The following NRG1 variants were observed in gnomAD, a reference collection of about 807,000 sequenced individuals.
NRG1 encodes neuregulin 1, also known as pro-neuregulin-1, membrane-bound isoform.
Under a neutral mutation model 63.8 loss-of-function variants are expected in NRG1, and 18 were observed. That is an observed-to-expected ratio of 0.28 (90% confidence interval 0.19 to 0.42). NRG1 has a LOEUF of 0.42. Among genes scored for constraint, NRG1 ranks in the 10% least tolerant of loss-of-function variants. The pLI, the probability that NRG1 is intolerant of heterozygous loss-of-function variation, is 1.00. For synonymous variants in NRG1, 302 were observed against 301.3 expected, an observed-to-expected ratio of 1.00 and a Z score of -0.02; for missense variants, 762 against 814.7, an observed-to-expected ratio of 0.94 and a Z score of 0.79.
At chr8:32,412,441 T>TATATAC (rs1815185161) in intron 1 of NRG1, among the ~76,000 whole-genome samples, 2 of 49,660 alleles carry the variant, frequency 4.0e-5, no homozygotes, top group East Asian at 7.9e-4. Context: ...TATATATATA[T>TATATAC]ATATATATAT....
chr8:32,066,525 C>A (rs75268023), intron 1 of NRG1, among the ~76,000 whole-genome samples: 147,474 of 151,652 alleles, frequency 0.97, 71,838 homozygotes, highest in East Asian at 1. Flanking sequence ...TCTGAGGGCT[C>A]TGTTCTGTTC....
chr8:32,507,401 A>G (rs925999368), intron 1 of NRG1, among the ~76,000 whole-genome samples: 12 of 152,190 alleles, frequency 7.9e-5, no homozygotes, highest in Non-Finnish European at 1.8e-4. Flanking sequence ...CTGTGAATCC[A>G]TTGAATGGAA....
At chr8:31,992,060 C>G (rs980277859) in intron 1 of NRG1, among the ~76,000 whole-genome samples, 22 of 151,746 alleles carry the variant, frequency 1.4e-4, no homozygotes, top group Non-Finnish European at 5.9e-5. Flanking sequence ...TGAGGCCAGG[C>G]TCAGTGGCTC....
intron 1 of NRG1, among the ~76,000 whole-genome samples, chr8:32,056,743 T>C (rs1823010584): frequency 6.6e-6 from 1 of 152,208 alleles, no homozygotes; most frequent in Admixed American, 6.5e-5. Context: ...GCCAAGATTA[T>C]ATGAGACCCA....
intron 1 of NRG1, among the ~76,000 whole-genome samples, chr8:32,321,555 A>C (rs959194724): frequency 2.2e-4 from 33 of 148,588 alleles, no homozygotes; most frequent in African/African-American, 7.4e-4. Context: ...ACATCCCCTG[A>C]TAATGATTTC....
intron 1 of NRG1, among the ~76,000 whole-genome samples, chr8:31,976,013 A>G (rs1808103927): frequency 6.6e-6 from 1 of 152,184 alleles, no homozygotes; most frequent in Non-Finnish European, 1.5e-5. Context: ...AATCTCAAGA[A>G]AAGGCTAAAA....
chr8:32,446,621 C>G (rs1820277825), intron 1 of NRG1, among the ~76,000 whole-genome samples: 1 of 151,626 alleles, frequency 6.6e-6, no homozygotes, highest in African/African-American at 2.4e-5. Flanking sequence ...TGCCCCTGCA[C>G]TCCAACCTGG....
chr8:31,805,367 G>A (rs1379060181), intron 1 of NRG1, among the ~76,000 whole-genome samples: 1 of 151,992 alleles, frequency 6.6e-6, no homozygotes, highest in Non-Finnish European at 1.5e-5. Context: ...ACCGTATCAT[G>A]AAATTGGAGA....
In NRG1 at chr8:32,761,560, A is replaced by AATTTTATTTTATTTT. The variant is rs10566697; in HGVS notation, c.1259+1193_1259+1207dup. Among the ~76,000 whole-genome samples, 257 of 138,606 alleles carry AATTTTATTTTATTTT rather than the reference A, an allele frequency of 1.9e-3. 4 individuals carry two copies. Among genetic ancestry groups the AATTTTATTTTATTTT allele is most frequent in the African/African-American group, 5.1e-3 (192 of 37,452 alleles). 90.9% of individuals were successfully genotyped at this position (138,606 alleles called of 152,430 possible). A position where few individuals can be genotyped will look rare whatever the true frequency, so the allele number is the denominator to read the frequency against. ...TACCTGTTTGTTTGCAAGTCCGCTG[A>AATTTTATTTTATTTT]ATTTTATTTTATTTTATTTTATTTT... On this transcript the variant is annotated intron_variant, in intron 11 of 11. Coordinates refer to ENST00000356819, the Ensembl canonical transcript of NRG1.
intron 1 of NRG1, among the ~76,000 whole-genome samples, chr8:32,242,667 G>C (rs895859413): frequency 5.9e-5 from 9 of 152,076 alleles, no homozygotes. Context: ...TAATATTTCA[G>C]CAGATGTCCT....
intron 1 of NRG1, among the ~76,000 whole-genome samples, chr8:32,469,511 A>T (rs1823506041): frequency 6.6e-6 from 1 of 152,170 alleles, no homozygotes; most frequent in Admixed American, 6.5e-5. Context: ...GTCCAACTGA[A>T]GGGGCTCCAG....
At chr8:31,829,660 A>G (rs1443870852) in intron 1 of NRG1, among the ~76,000 whole-genome samples, 2 of 152,176 alleles carry the variant, frequency 1.3e-5, no homozygotes, top group East Asian at 3.9e-4. Context: ...AAACCACTAT[A>G]GTCTTGGATT....
At chr8:32,729,332 T>G (rs1407920771) in intron 6 of NRG1, among the ~76,000 whole-genome samples, 1 of 152,238 alleles carries the variant, frequency 6.6e-6, no homozygotes, top group Non-Finnish European at 1.5e-5. Flanking sequence ...AATACACCTT[T>G]GTTTTCCTCT....
At chr8:32,011,841 C>T (rs1814808692) in intron 1 of NRG1, among the ~76,000 whole-genome samples, 1 of 152,084 alleles carries the variant, frequency 6.6e-6, no homozygotes, top group Admixed American at 6.6e-5. Context: ...GACTTTTTCA[C>T]TATTTTATTC....
intron 1 of NRG1, among the ~76,000 whole-genome samples, chr8:31,657,787 C>CAA (rs1805576047): frequency 6.6e-6 from 1 of 152,156 alleles, no homozygotes; most frequent in Non-Finnish European, 1.5e-5. Context: ...ACCTGAGATT[C>CAA]AAAAAGGTTT....
intron 5 of NRG1, among the ~76,000 whole-genome samples, chr8:32,726,821 G>A (rs1381301767): frequency 6.6e-6 from 1 of 151,016 alleles, no homozygotes; most frequent in Non-Finnish European, 1.5e-5. Flanking sequence ...TAATAAAGTA[G>A]AAACTAGTAA....
intron 1 of NRG1, among the ~76,000 whole-genome samples, chr8:32,310,837 C>T (rs184846157): frequency 1.3e-4 from 20 of 152,246 alleles, no homozygotes; most frequent in African/African-American, 2.6e-4. Context: ...CTTCATGCCC[C>T]GACCAAGCTT....
chr8:32,643,355 T>G (rs1588928273), intron 5 of NRG1, among the ~76,000 whole-genome samples: 1 of 152,224 alleles, frequency 6.6e-6, no homozygotes, highest in Non-Finnish European at 1.5e-5. Flanking sequence ...TTAAGAGAAC[T>G]GGCAGCTTGT....
intron 1 of NRG1, among the ~76,000 whole-genome samples, chr8:31,757,607 A>G (rs887931843): frequency 6.6e-6 from 1 of 152,146 alleles, no homozygotes; most frequent in Non-Finnish European, 1.5e-5. Context: ...TTGCATGAAG[A>G]TAAGACTTGA....
Sources: allele counts gnomAD v4.1 joint callset (sites outside exome capture counted in the v4.1 genomes callset), GRCh38; gene constraint gnomAD v4.1.1; transcripts MANE v1.5; gene names NCBI Gene and HGNC (gene_info 2026-07-23, HGNC 2026-07-21).